Variants in MFHAS1 observed in about 807,000 individuals in gnomAD.
The protein encoded by MFHAS1 is malignant fibrous histiocytoma-amplified sequence 1.
Under a neutral mutation model 70.4 loss-of-function variants are expected in MFHAS1, and 50 were observed. That is an observed-to-expected ratio of 0.71 (90% CI 0.57 to 0.90). The LOEUF is 0.90. Among genes scored for constraint, MFHAS1 ranks in the 40% least tolerant of loss-of-function variants. The pLI is 0.00. For synonymous variants in MFHAS1, 952 were observed against 620.0 expected (o/e 1.54, Z -7.96); for missense variants, 1,795 against 1,347.6 (o/e 1.33, Z -5.20).
rs939044966 is a variant in MFHAS1 at position 8,838,892 on chromosome 8, C to G, written c.2999-41401G>C. 2.0e-5 allele frequency among the ~76,000 whole-genome samples: 3 copies of G among 151,848 alleles called. No homozygotes were observed. The East Asian group carries it at 5.8e-4, about 29-fold the overall frequency. ...CCAGTTATTTTCATATTTTAAAGGA[C>G]TTTCTCTTTCTCTGATCTAACACAA... On this transcript the variant is annotated intron_variant, in intron 1 of 2. Coordinates refer to ENST00000276282, the MANE Select transcript of MFHAS1 (RefSeq NM_004225.3).
At position 8,892,496 on chromosome 8, in the gene MFHAS1, A is replaced by C. The variant is rs767128855; in HGVS notation, c.563T>G (p.Val188Gly). 2.5e-6 allele frequency: 4 copies of C among 1,605,122 alleles called. No individual in the cohort carries two copies. In the African/African-American group the frequency reaches 4.0e-5, roughly 16 times the overall value. ...SCLSRLRTLD[V>G]DHNQLTAFPR... ...GAAGGCAGTGAGCTGGTTGTGATCC[A>C]CGTCCAGGGTGCGCAGGCGGGAGAG... is the stretch of plus-strand genomic sequence containing the variant. Residue 188 changes from valine (V) to glycine (G), a missense_variant, in exon 1 of 3, where the codon GTG (valine) becomes GGG (glycine). By Grantham distance (109) the Val-to-Gly change is moderately radical. Coordinates refer to ENST00000276282, the MANE Select transcript of MFHAS1 (RefSeq NM_004225.3). The surrounding 1 kb of genome is among the most constrained non-coding windows in gnomAD (Gnocchi z 4.7).
chr8:8,824,246 T>C (rs1876836), intron 1 of MFHAS1, among the ~76,000 whole-genome samples: 120,001 of 151,724 alleles, frequency 0.79, 47,569 homozygotes, highest in East Asian at 0.91. Context: ...TGGAGGCCAA[T>C]CTCTCCTCAC....
intron 1 of MFHAS1, among the ~76,000 whole-genome samples, chr8:8,870,783 C>T (rs1451523948): frequency 6.6e-6 from 1 of 152,232 alleles, no homozygotes; most frequent in African/African-American, 2.4e-5. Flanking sequence ...CTGCAGCTTC[C>T]CGGGGTCAAG....
chr8:8,872,333 A>G (rs1809109965), intron 1 of MFHAS1, among the ~76,000 whole-genome samples: 1 of 152,180 alleles, frequency 6.6e-6, no homozygotes, highest in South Asian at 2.1e-4. Context: ...CCATGAATAA[A>G]TGTGTCTGCA....
intron 1 of MFHAS1, among the ~76,000 whole-genome samples, chr8:8,879,629 A>C (rs1809433704): frequency 6.6e-6 from 1 of 152,124 alleles, no homozygotes; most frequent in African/African-American, 2.4e-5. Context: ...TTTCTGGAAA[A>C]ATCAAAAGCC....
At chr8:8,852,649 C>A (rs898878204) in intron 1 of MFHAS1, among the ~76,000 whole-genome samples, 6 of 152,186 alleles carry the variant, frequency 3.9e-5, no homozygotes, top group African/African-American at 1.2e-4. Flanking sequence ...GAGATTCTGA[C>A]TTCCATGGCC....
intron 1 of MFHAS1, among the ~76,000 whole-genome samples, chr8:8,808,456 C>G (rs181601522): frequency 2.2e-4 from 34 of 152,240 alleles, no homozygotes; most frequent in South Asian, 1.0e-3. Flanking sequence ...TCATAATGGC[C>G]CGAAAGTGTA....
Position 8,893,075 on chromosome 8 carries a change from G to C in MFHAS1, c.-17C>G. On this transcript the variant is annotated 5_prime_UTR_variant, in exon 1 of 3. Coordinates refer to ENST00000276282, the MANE Select transcript of MFHAS1 (RefSeq NM_004225.3). The stretch of plus-strand genomic sequence containing the variant: ...CCCAGCCATGGCGGGGCCCCGGGCC[G>C]ACAGCCTCACGCGGACGCGGGAGCC... 1 of 1,465,328 alleles carries C rather than the reference G, an allele frequency of 6.8e-7. No homozygotes were observed. 90.8% of individuals were successfully genotyped at this position (1,465,328 alleles called of 1,614,324 possible).
At chr8:8,791,791 C>T (rs1424152444) in intron 2 of MFHAS1, among the ~76,000 whole-genome samples, 1 of 152,172 alleles carries the variant, frequency 6.6e-6, no homozygotes, top group Non-Finnish European at 1.5e-5. Context: ...CCTAATTAGG[C>T]TGCCATGAAG....
At chr8:8,846,260 A>AG (rs1808027825) in intron 1 of MFHAS1, among the ~76,000 whole-genome samples, 1 of 44,242 alleles carries the variant, frequency 2.3e-5, no homozygotes, top group African/African-American at 9.1e-5. Context: ...CTCCAAAAAA[A>AG]AGGGGGGGGG....
At chr8:8,884,075 CACACACAA>C (rs1178112210) in intron 1 of MFHAS1, among the ~76,000 whole-genome samples, 2 of 117,370 alleles carry the variant, frequency 1.7e-5, no homozygotes, top group African/African-American at 7.9e-5. Flanking sequence ...CACACACACA[CACACACAA>C]AAAGAAAAAA....
In MFHAS1 at chr8:8,785,903, G is replaced by A. The variant is rs556457153; in HGVS notation, c.*119C>T. On this transcript the variant is annotated 3_prime_UTR_variant, in exon 3 of 3. Coordinates refer to ENST00000276282, the MANE Select transcript of MFHAS1 (RefSeq NM_004225.3). ...TCCAAAAAGCACCCTGCAAGCACGC[G>A]TTGTCACTCAAGTTCACAGAACACG... 29 of 713,698 alleles carry A rather than the reference G, an allele frequency of 4.1e-5. No homozygotes were observed. The highest frequency in any genetic ancestry group is 9.3e-5 in the African/African-American group (5 of 53,690). The allele number at this position is 713,698 out of a possible 1,614,324, so 44.2% of individuals were successfully genotyped here.
chr8:8,799,666 G>T (rs1806020122), intron 1 of MFHAS1, among the ~76,000 whole-genome samples: 1 of 152,218 alleles, frequency 6.6e-6, no homozygotes, highest in Admixed American at 6.5e-5. Context: ...TGAGGCATGA[G>T]AATCACTTGA....
At chr8:8,802,050 G>A (rs774946285) in intron 1 of MFHAS1, among the ~76,000 whole-genome samples, 5 of 152,188 alleles carry the variant, frequency 3.3e-5, no homozygotes, top group Non-Finnish European at 5.9e-5. Flanking sequence ...ATAAGCCTAA[G>A]TTAATCCAGG....
At chr8:8,882,665 C>T (rs1482973411) in intron 1 of MFHAS1, among the ~76,000 whole-genome samples, 1 of 152,194 alleles carries the variant, frequency 6.6e-6, no homozygotes, top group East Asian at 1.9e-4. Flanking sequence ...TTCAAAATAA[C>T]CAACCTGCTC....
At chr8:8,813,273 T>TA (rs1326514136) in intron 1 of MFHAS1, among the ~76,000 whole-genome samples, 1 of 152,216 alleles carries the variant, frequency 6.6e-6, no homozygotes, top group Non-Finnish European at 1.5e-5. Flanking sequence ...CAGTATATAA[T>TA]AACAAACGAC....
chr8:8,886,441 T>G (rs113018263), intron 1 of MFHAS1, among the ~76,000 whole-genome samples: 27 of 152,102 alleles, frequency 1.8e-4, no homozygotes, highest in African/African-American at 6.5e-4. Context: ...GCAAAGGGAT[T>G]ACAGCCCTGA....
At chr8:8,809,295 TC>T (rs1806456971) in intron 1 of MFHAS1, among the ~76,000 whole-genome samples, 2 of 152,070 alleles carry the variant, frequency 1.3e-5, no homozygotes, top group Non-Finnish European at 2.9e-5. Flanking sequence ...CATGAAACCA[TC>T]CCACCAACCC....
chr8:8,845,124 C>CCT (rs1199797275), intron 1 of MFHAS1, among the ~76,000 whole-genome samples: 1 of 152,116 alleles, frequency 6.6e-6, no homozygotes. Context: ...TTAAACTGAC[C>CCT]CTCTGTCATT....
Sources: gnomAD v4.1 joint callset for allele counts (sites outside exome capture counted in the v4.1 genomes callset) on GRCh38, gnomAD v4.1.1 for gene constraint, Gnocchi (gnomAD v3.1) non-coding constraint, MANE v1.5 for transcripts, NCBI Gene and HGNC (gene_info 2026-07-23, HGNC 2026-07-21) for gene names.